The following NDUFS4 variants were observed in gnomAD, a reference collection of about 807,000 sequenced individuals.
NDUFS4 encodes the protein NADH:ubiquinone oxidoreductase subunit S4.
A neutral mutation model predicts 24.3 loss-of-function variants in NDUFS4; 28 were observed. That is an observed-to-expected ratio of 1.15 (90% confidence interval 0.85 to 1.58). NDUFS4 has a LOEUF of 1.58. NDUFS4 is among the 40% of genes most tolerant of loss of function. The pLI, the probability that NDUFS4 is intolerant of heterozygous loss-of-function variation, is 0.00. For synonymous variants in NDUFS4, 93 were observed against 69.7 expected (o/e 1.34, Z -1.67); for missense variants, 223 against 207.9 (o/e 1.07, Z -0.45).
At chr5:53,681,382 T>TAAG (rs1740659001) in intron 4 of NDUFS4, among the ~76,000 whole-genome samples, 1 of 152,158 alleles carries the variant, frequency 6.6e-6, no homozygotes. Flanking sequence ...AAATGATTGT[T>TAAG]AAGTCAGGGT....
At chr5:53,680,251 A>T (rs13153341) in intron 4 of NDUFS4, among the ~76,000 whole-genome samples, 1 of 152,150 alleles carries the variant, frequency 6.6e-6, no homozygotes, top group Non-Finnish European at 1.5e-5. Context: ...AACTCTGTAC[A>T]TAAAATTTCA....
In NDUFS4 at chr5:53,683,110, C is replaced by T. The variant is rs910990098; in HGVS notation, c.425-8C>T. 6.4e-7 allele frequency: 1 copy of T among 1,561,474 alleles called. No homozygotes were observed. Among genetic ancestry groups the T allele is most frequent in the Non-Finnish European group, 8.8e-7 (1 of 1,132,568 alleles). On this transcript the variant is annotated splice_polypyrimidine_tract_variant and splice_region_variant and intron_variant, in intron 4 of 4. Coordinates refer to ENST00000296684, the MANE Select transcript of NDUFS4 (RefSeq NM_002495.4). ...TTCTGTGGATTTGTCTTTGTTTTTT[C>T]CTCCTAGGATGGAGCTATGACATTG...
rs746256245 is a variant in NDUFS4 at position 53,683,133 on chromosome 5, T to G, written c.440T>G (p.Ile147Ser). 2.5e-6 allele frequency: 4 copies of G among 1,605,208 alleles called. No individual in the cohort carries two copies. In the African/African-American group the frequency reaches 5.4e-5, roughly 22 times the overall value. ...TTCCTCCTAGGATGGAGCTATGACA[T>G]TGAAGAGAGGAAGGTTCCAAAACCC... ...FAEKNGWSYD[I>S]EERKVPKPKS... The change falls in exon 5 of 5, where the codon ATT becomes AGT. Residue 147 changes from isoleucine to serine, a missense_variant. Physicochemically the swap from Ile to Ser is moderately radical, Grantham distance 142. Coordinates refer to ENST00000296684, the MANE Select transcript of NDUFS4 (RefSeq NM_002495.4).
At chr5:53,586,251 C>T (rs1301703497) in intron 1 of NDUFS4, among the ~76,000 whole-genome samples, 3 of 150,324 alleles carry the variant, frequency 2.0e-5, no homozygotes, top group African/African-American at 4.9e-5. Context: ...ATCGTATGAA[C>T]CTGGGAGATG....
intron 1 of NDUFS4, among the ~76,000 whole-genome samples, chr5:53,568,194 A>T (rs1349679427): frequency 1.3e-5 from 2 of 152,062 alleles, no homozygotes; most frequent in East Asian, 3.9e-4. Context: ...TGTACTCACT[A>T]GACTTAATTT....
At chr5:53,562,150 C>T (rs1748869529) in intron 1 of NDUFS4, among the ~76,000 whole-genome samples, 1 of 152,034 alleles carries the variant, frequency 6.6e-6, no homozygotes, top group Non-Finnish European at 1.5e-5. Flanking sequence ...ATTACAGGCG[C>T]GCACCACCAC....
chr5:53,580,603 CAA>C (rs775901951), intron 1 of NDUFS4, among the ~76,000 whole-genome samples: 2 of 152,206 alleles, frequency 1.3e-5, no homozygotes, highest in African/African-American at 4.8e-5. Flanking sequence ...ATACCTGAAA[CAA>C]TGTTACGATG....
intron 4 of NDUFS4, among the ~76,000 whole-genome samples, chr5:53,661,315 AT>A (rs1418701106): frequency 1.3e-5 from 2 of 152,170 alleles, no homozygotes; most frequent in Non-Finnish European, 2.9e-5. Context: ...ACTTGTAGAT[AT>A]GCGGCATTAT....
chr5:53,659,463 A>C (rs1752266191), intron 4 of NDUFS4, among the ~76,000 whole-genome samples: 1 of 152,156 alleles, frequency 6.6e-6, no homozygotes, highest in African/African-American at 2.4e-5. Flanking sequence ...CTGATACATA[A>C]TAGATGTTCT....
chr5:53,564,205 G>A (rs1748947655), intron 1 of NDUFS4, among the ~76,000 whole-genome samples: 1 of 152,130 alleles, frequency 6.6e-6, no homozygotes, highest in African/African-American at 2.4e-5. Context: ...TCAATTCGAT[G>A]GGGAATTGAA....
At chr5:53,590,477 A>G (rs943169047) in intron 1 of NDUFS4, among the ~76,000 whole-genome samples, 1 of 152,234 alleles carries the variant, frequency 6.6e-6, no homozygotes, top group Non-Finnish European at 1.5e-5. Flanking sequence ...ATAGGCAAGC[A>G]CTAGTAGTTT....
chr5:53,597,453 T>G (rs1298153947), intron 1 of NDUFS4, among the ~76,000 whole-genome samples: 1 of 152,186 alleles, frequency 6.6e-6, no homozygotes, highest in African/African-American at 2.4e-5. Context: ...TTCAAACTGC[T>G]ACAAGGAATA....
At chr5:53,643,425 G>A (rs1271878030) in intron 2 of NDUFS4, among the ~76,000 whole-genome samples, 2 of 151,996 alleles carry the variant, frequency 1.3e-5, no homozygotes, top group Non-Finnish European at 2.9e-5. Context: ...AAATTTTTTT[G>A]TGAAAGTTAG....
Position 53,623,537 on chromosome 5 carries a change from A to T in NDUFS4, c.177+20007A>T, listed in dbSNP as rs371205579. ...TCCTCTATCAGCTAGATGTCCTTTG[A>T]TGCACAAAAATTTTAATTTTGATGA... On this transcript the variant is annotated intron_variant, in intron 2 of 4. Transcript: ENST00000296684. Among the ~76,000 whole-genome samples the T allele has an allele frequency of 2.9e-3, 439 of 152,198 alleles. 5 individuals carry two copies. Among genetic ancestry groups the T allele is most frequent in the South Asian group, 0.016 (77 of 4,828 alleles).
At chr5:53,620,881 T>G (rs1277448055) in intron 2 of NDUFS4, among the ~76,000 whole-genome samples, 1 of 152,350 alleles carries the variant, frequency 6.6e-6, no homozygotes, top group African/African-American at 2.4e-5. Flanking sequence ...TCTTGATTAA[T>G]GTTTCATACA....
At chr5:53,614,863 A>G (rs561025127) in intron 2 of NDUFS4, among the ~76,000 whole-genome samples, 3 of 152,010 alleles carry the variant, frequency 2.0e-5, no homozygotes, top group South Asian at 2.1e-4. Context: ...AATTGATAAT[A>G]TTTCATTTGT....
At chr5:53,623,563 C>T (rs1751122628) in intron 2 of NDUFS4, among the ~76,000 whole-genome samples, 1 of 152,166 alleles carries the variant, frequency 6.6e-6, no homozygotes, top group South Asian at 2.1e-4. Flanking sequence ...ATTTTGATGA[C>T]GTCTGATTTA....
intron 4 of NDUFS4, among the ~76,000 whole-genome samples, chr5:53,670,270 T>C (rs1002367414): frequency 1.3e-4 from 19 of 151,948 alleles, no homozygotes; most frequent in Non-Finnish European, 2.2e-4. Flanking sequence ...ATGGTTTTCC[T>C]GGTACTATGA....
intron 3 of NDUFS4, among the ~76,000 whole-genome samples, chr5:53,649,412 C>T (rs112284691): frequency 0.033 from 5,016 of 152,174 alleles, 293 homozygotes; most frequent in African/African-American, 0.11. Flanking sequence ...TCTTTACGTC[C>T]ATGTGTACCC....
Sources: allele counts gnomAD v4.1 joint callset (sites outside exome capture counted in the v4.1 genomes callset), GRCh38; gene constraint gnomAD v4.1.1; transcripts MANE v1.5; gene names NCBI Gene and HGNC (gene_info 2026-07-23, HGNC 2026-07-21).